Variants in ACER3 observed in about 807,000 individuals in gnomAD.
ACER3 encodes alkCDase 3.
A neutral mutation model predicts 48.9 loss-of-function variants in ACER3; 16 were observed. The observed-to-expected ratio is 0.33, with a 90% CI of 0.22 to 0.50. The LOEUF is 0.50. Among genes scored for constraint, ACER3 ranks in the 20% least tolerant of loss-of-function variants. ACER3 has a pLI of 0.98. For synonymous variants in ACER3, 109 were observed against 107.8 expected (o/e 1.01, Z -0.07); for missense variants, 227 against 326.0 (o/e 0.70, Z 2.34).
At position 76,926,684 on chromosome 11, in the gene ACER3, A is replaced by G; in HGVS notation, c.214+17A>G. The G allele has an allele frequency of 6.7e-7, 1 of 1,486,044 alleles. No individual in the cohort carries two copies. The highest frequency in any genetic ancestry group is 9.4e-7 in the Non-Finnish European group (1 of 1,067,824). The allele number at this position is 1,486,044 out of a possible 1,614,324, so 92.1% of individuals were successfully genotyped here. A position where few individuals can be genotyped will look rare whatever the true frequency, so the allele number is the denominator to read the frequency against. On this transcript the variant is annotated intron_variant, in intron 2 of 10. Coordinates refer to ENST00000532485, the MANE Select transcript of ACER3 (RefSeq NM_018367.7). Reference sequence around the variant, plus strand: ...CACTCACAGGTATGTATAACACTGTATCTGAAGAAATGTACAGTATTCAAA... The same window carrying G: ...CACTCACAGGTATGTATAACACTGTGTCTGAAGAAATGTACAGTATTCAAA...
At chr11:76,898,338 C>A (rs542233932) in intron 1 of ACER3, among the ~76,000 whole-genome samples, 17 of 152,234 alleles carry the variant, frequency 1.1e-4, no homozygotes, top group Non-Finnish European at 1.6e-4. Context: ...ATTTACATTT[C>A]ACTTTTTGGA....
chr11:77,018,750 A>G (rs1949419695), intron 9 of ACER3, among the ~76,000 whole-genome samples: 3 of 152,380 alleles, frequency 2.0e-5, no homozygotes, highest in Non-Finnish European at 2.9e-5. Flanking sequence ...GCCAAGGCCT[A>G]ATCCAGATCA....
At chr11:76,867,816 C>T (rs965494454) in intron 1 of ACER3, among the ~76,000 whole-genome samples, 7 of 152,104 alleles carry the variant, frequency 4.6e-5, no homozygotes, top group South Asian at 2.1e-4. Context: ...ATCATCTTGC[C>T]ATATCCTTTT....
In ACER3 at chr11:77,023,582, G is replaced by T. The variant is rs1373619040; in HGVS notation, c.*3255G>T. 5.5e-6 allele frequency: 1 copy of T among 181,890 alleles called. No homozygotes were observed. The highest frequency in any genetic ancestry group is 2.3e-5 in the African/African-American group (1 of 43,010). 11.3% of individuals were successfully genotyped at this position (181,890 alleles called of 1,614,324 possible). The stretch of plus-strand genomic sequence containing the variant: ...TTGTTTTGGCCCTGTGGTTTATGAC[G>T]TGCTGCTGGATAAGCATTTATGTAA... On this transcript the variant is annotated 3_prime_UTR_variant, in exon 11 of 11. Transcript: ENST00000532485.
At chr11:76,950,284 G>C (rs200102029) in intron 2 of ACER3, among the ~76,000 whole-genome samples, 1 of 33,298 alleles carries the variant, frequency 3.0e-5, no homozygotes. Context: ...AGCCGGAGTA[G>C]AGTCTAAAGT....
At chr11:77,002,794 C>T (rs1393408818) in intron 7 of ACER3, among the ~76,000 whole-genome samples, 3 of 152,126 alleles carry the variant, frequency 2.0e-5, no homozygotes, top group African/African-American at 7.2e-5. Flanking sequence ...ACACCTGTTA[C>T]AACAGGGATG....
chr11:76,912,982 A>G (rs1946423253), intron 1 of ACER3, among the ~76,000 whole-genome samples: 1 of 152,182 alleles, frequency 6.6e-6, no homozygotes, highest in African/African-American at 2.4e-5. Context: ...AAAAGGTTTT[A>G]GGATAGGAAA....
chr11:76,950,153 G>A (rs1947603476), intron 2 of ACER3, among the ~76,000 whole-genome samples: 1 of 151,508 alleles, frequency 6.6e-6, no homozygotes, highest in African/African-American at 2.4e-5. Context: ...GCACCATATT[G>A]TAATTATCTG....
At position 76,973,172 on chromosome 11, in the gene ACER3, C is replaced by T. The variant is rs370668569; in HGVS notation, c.268-3117C>T. The stretch of plus-strand genomic sequence containing the variant: ...AGCCGGGAAAGGCAGGCAACGGATT[C>T]CCCTGAAGTTGACCCCTTGATTTCA... On this transcript the variant is annotated intron_variant, in intron 3 of 10. Transcript: ENST00000532485. Among the ~76,000 whole-genome samples the T allele has an allele frequency of 6.6e-5, 10 of 152,332 alleles. No individual in the cohort carries two copies. In the East Asian group the frequency reaches 1.5e-3, roughly 24 times the overall value.
At chr11:76,884,622 C>T (rs947801460) in intron 1 of ACER3, among the ~76,000 whole-genome samples, 21 of 152,016 alleles carry the variant, frequency 1.4e-4, no homozygotes, top group Non-Finnish European at 2.6e-4. Context: ...AAATCTTCTA[C>T]CATGTTGGTG....
intron 3 of ACER3, among the ~76,000 whole-genome samples, chr11:76,970,970 T>C (rs949636504): frequency 2.6e-5 from 4 of 152,196 alleles, no homozygotes; most frequent in African/African-American, 9.7e-5. Context: ...AATCATATAA[T>C]GTGTGGCCTT....
At chr11:76,950,352 CATATATATATATATATATATATAT>C (rs774580764) in intron 2 of ACER3, among the ~76,000 whole-genome samples, 1,195 of 35,988 alleles carry the variant, frequency 0.033, 41 homozygotes, top group African/African-American at 0.047. Flanking sequence ...GTGACATGAT[CATATATATATATATATATATATAT>C]ATATATATAT....
At chr11:77,016,915 AC>A in intron 9 of ACER3, 136 bp downstream of exon 9, 1 of 467,176 alleles carries the variant, frequency 2.1e-6, no homozygotes, top group Non-Finnish European at 3.7e-6. Context: ...ACACTCTTGA[AC>A]AACCGCTGGG....
Position 76,861,205 on chromosome 11 carries a change from A to G in ACER3, c.103+126A>G, listed in dbSNP as rs566175842. ...GCCAGGCCTGGCCCCGGGAGCTGGAATGCGGCGCCCTGGGCCAGCGGGAGG... is the reference window on the plus strand; with the variant it reads ...GCCAGGCCTGGCCCCGGGAGCTGGAGTGCGGCGCCCTGGGCCAGCGGGAGG... On this transcript the variant is annotated intron_variant, in intron 1 of 10. Coordinates refer to ENST00000532485, the MANE Select transcript of ACER3 (RefSeq NM_018367.7). 1.4e-5 allele frequency: 12 copies of G among 865,510 alleles called. No individual in the cohort carries two copies. The South Asian group carries it at 1.8e-4, about 13-fold the overall frequency. The allele number at this position is 865,510 out of a possible 1,614,324, so 53.6% of individuals were successfully genotyped here.
At chr11:76,894,761 G>A (rs1038763294) in intron 1 of ACER3, among the ~76,000 whole-genome samples, 8 of 152,298 alleles carry the variant, frequency 5.3e-5, no homozygotes, top group Non-Finnish European at 1.2e-4. Context: ...AGGACTGAAA[G>A]TCTCCTTAGA....
At chr11:76,909,091 C>T (rs1946306076) in intron 1 of ACER3, among the ~76,000 whole-genome samples, 1 of 152,056 alleles carries the variant, frequency 6.6e-6, no homozygotes, top group Non-Finnish European at 1.5e-5. Context: ...GAAACTGGAC[C>T]CCTTCCTTAC....
intron 1 of ACER3, among the ~76,000 whole-genome samples, chr11:76,880,604 T>C (rs964521): frequency 0.6 from 90,661 of 152,088 alleles, 29,383 homozygotes; most frequent in Non-Finnish European, 0.74. Flanking sequence ...TCTTCTTGGC[T>C]TCTCTGTGCA....
intron 3 of ACER3, among the ~76,000 whole-genome samples, chr11:76,967,281 A>G (rs549403545): frequency 2.7e-3 from 406 of 152,342 alleles, no homozygotes; most frequent in Admixed American, 4.2e-3. Context: ...CTCCGAATAG[A>G]CCAATAACAG....
chr11:76,951,403 A>G (rs1365955770), intron 2 of ACER3, among the ~76,000 whole-genome samples: 1 of 152,188 alleles, frequency 6.6e-6, no homozygotes, highest in Non-Finnish European at 1.5e-5. Context: ...AGAGGCTCAC[A>G]ATAGCAGTGT....
Sources: gnomAD v4.1 joint callset for allele counts (sites outside exome capture counted in the v4.1 genomes callset) on GRCh38, gnomAD v4.1.1 for gene constraint, MANE v1.5 for transcripts, NCBI Gene and HGNC (gene_info 2026-07-23, HGNC 2026-07-21) for gene names.